Variants in FEZF1 observed in about 807,000 individuals in gnomAD.
FEZF1 encodes fez family zinc finger protein 1.
FEZF1 carries 8 observed loss-of-function variants against 32.4 expected under a neutral mutation model. The ratio of observed to expected loss-of-function variants is 0.25; its 90% CI spans 0.15 to 0.45. The LOEUF (loss-of-function observed/expected upper bound fraction) is 0.45. Ranked by LOEUF, FEZF1 falls within the 20% of genes least tolerant of loss-of-function variation. FEZF1 has a pLI of 1.00. For synonymous variants in FEZF1, 259 were observed against 265.2 expected, an observed-to-expected ratio of 0.98 and a Z score of 0.23; for missense variants, 546 against 622.3, an observed-to-expected ratio of 0.88 and a Z score of 1.31.
intron 1 of FEZF1, 65 bp from the exon 2 acceptor site, chr7:122,303,376 A>G (rs1487529593): frequency 2.5e-6 from 4 of 1,585,564 alleles, no homozygotes; most frequent in East Asian, 2.2e-5. Flanking sequence ...AACCGGGCAG[A>G]GAGAGGGTAG....
rs1584961035 is a variant in FEZF1, at chr7:122,304,040, C to G, written c.398G>C (p.Arg133Pro). Residue 133 changes from arginine (R) to proline (P), a missense_variant, in exon 1 of 4, where the codon CGC becomes CCC. By Grantham distance (103) the Arg-to-Pro change is moderately radical (BLOSUM62 -2). This residue lies in a region of FEZF1 where 345 missense variants were observed against 360.6 expected (regional missense o/e 0.96). Coordinates refer to ENST00000442488, the MANE Select transcript of FEZF1 (RefSeq NM_001024613.4). ...GTACTGCTGCAGCGGCAGCGCGTCGCGGGCCAGGTCGCCCTTGAGACTCAG... is the reference window on the plus strand; with the variant it reads ...GTACTGCTGCAGCGGCAGCGCGTCGGGGGCCAGGTCGCCCTTGAGACTCAG... The part of the protein sequence containing the change: ...CALSLKGDLA[R>P]DALPLQQYKL... 1 of 1,558,260 alleles carries G rather than the reference C, an allele frequency of 6.4e-7. No individual in the cohort carries two copies. The highest frequency in any genetic ancestry group is 8.7e-7 in the Non-Finnish European group (1 of 1,153,722).
In FEZF1 at chr7:122,303,796, A is replaced by C. The variant is rs761076480; in HGVS notation, c.642T>G (p.Ser214=). 3 of 1,614,224 alleles carry C rather than the reference A, an allele frequency of 1.9e-6. No homozygotes were observed. The East Asian group carries it at 6.7e-5, about 36-fold the overall frequency. ...GGGACAGGTCTTTGAAAGCTACTCC[A>C]GAAGGGTATTTCTCCACCGCCGGGA... ...LVVPAVEKYP[S]GVAFKDLSQA... Residue 214 remains serine (S), a synonymous_variant, in exon 1 of 4, where the codon TCT becomes TCG. Transcript: ENST00000442488.
rs1260872793 is a variant in FEZF1 at position 122,303,234 on chromosome 7, G to A, written c.879C>T (p.Cys293=). Reference sequence around the variant, plus strand: ...TGCTTGCTTGCCTGAAACCTTTTCCGCACACTTTGCAAACGAAGGGTCTGG... The same window carrying A: ...TGCTTGCTTGCCTGAAACCTTTTCCACACACTTTGCAAACGAAGGGTCTGG... The part of the protein sequence containing the change: ...TGARPFVCKV[C]GKGFRQASTL... The change falls in exon 2 of 4, where the codon TGC becomes TGT. Residue 293 remains cysteine, a synonymous_variant. Coordinates refer to ENST00000442488, the MANE Select transcript of FEZF1 (RefSeq NM_001024613.4). 3.7e-6 allele frequency: 6 copies of A among 1,613,936 alleles called. No individual in the cohort carries two copies. The highest frequency in any genetic ancestry group is 4.5e-5 in the East Asian group (2 of 44,880).
At chr7:122,308,897 A>G (rs1178932317), upstream of FEZF1, among the ~76,000 whole-genome samples, 2 of 152,086 alleles carry the variant, frequency 1.3e-5, no homozygotes, top group Non-Finnish European at 2.9e-5. Flanking sequence ...GCACATCTAC[A>G]CTTTTTCCTG....
Position 122,304,473 on chromosome 7 carries a change from T to C in FEZF1, c.-36A>G, listed in dbSNP as rs11761299. On this transcript the variant is annotated 5_prime_UTR_variant, in exon 1 of 4. Transcript: ENST00000442488. ...CCAGCGTCCGTCAGCCGGGGCTGGGTTGCGCCGTCCGTTGCCTTGTTCCCT... is the reference window on the plus strand; with the variant it reads ...CCAGCGTCCGTCAGCCGGGGCTGGGCTGCGCCGTCCGTTGCCTTGTTCCCT... The C allele has an allele frequency of 0.67, 1,028,666 of 1,529,598 alleles. 347,016 individuals carry two copies. Among genetic ancestry groups the C allele is most frequent in the Non-Finnish European group, 0.68 (775,018 of 1,133,296 alleles). The allele number at this position is 1,529,598 out of a possible 1,614,324, so 94.8% of individuals were successfully genotyped here.
rs748050719 is a variant in FEZF1 at position 122,302,215 on chromosome 7, TG to T, written c.1209del (p.Thr404ArgfsTer48). The T allele has an allele frequency of 6.2e-7, 1 of 1,614,090 alleles. No individual in the cohort carries two copies. The highest frequency in any genetic ancestry group is 1.1e-5 in the South Asian group (1 of 91,078). On this transcript the variant is annotated frameshift_variant, in exon 4 of 4. Coordinates refer to ENST00000442488, the MANE Select transcript of FEZF1 (RefSeq NM_001024613.4). LOFTEE classifies it high-confidence loss of function. This position sits in a 1 kb window ranked among gnomAD's most constrained non-coding sequence, Gnocchi z 4.4. ...THNDKKPFTCPTCGKGFCRNF... is the reference protein window; with the variant it reads ...THNDKKPFTCXTCGKGFCRNF... The stretch of plus-strand genomic sequence containing the variant: ...TTCCTGCAGAAACCCTTGCCGCACG[TG>T]GGGCAGGTGAAAGGCTTCTTGTCGT...
upstream of FEZF1, among the ~76,000 whole-genome samples, chr7:122,309,131 G>A (rs541511933): frequency 6.6e-6 from 1 of 152,240 alleles, no homozygotes; most frequent in African/African-American, 2.4e-5. Flanking sequence ...AATACACAAC[G>A]GGAACTAACT....
rs2031087949 is a variant in FEZF1 at position 122,302,675 on chromosome 7, G to A, written c.1069+124C>T. The A allele has an allele frequency of 9.2e-7, 1 of 1,086,418 alleles. No homozygotes were observed. Among genetic ancestry groups the A allele is most frequent in the Non-Finnish European group, 1.4e-6 (1 of 727,188 alleles). The allele number at this position is 1,086,418 out of a possible 1,614,324, so 67.3% of individuals were successfully genotyped here. ...ATACTAATCAGACTTCGAGTAGGGA[G>A]TTAGAATGGCAACAAAAGTGCCACA... On this transcript the variant is annotated intron_variant, in intron 3 of 3. Transcript: ENST00000442488. The surrounding 1 kb of genome is among the most constrained non-coding windows in gnomAD (Gnocchi z 4.4).
chr7:122,301,887 TG>T lies in FEZF1; in HGVS notation c.*109del. ...GAGGCTTCTGGTCGGCCCTGAAGTG[TG>T]GGGCCCAACATGCCCTGGGGTCTGC... On this transcript the variant is annotated 3_prime_UTR_variant, in exon 4 of 4. Transcript: ENST00000442488. 6.9e-7 allele frequency: 1 copy of T among 1,456,842 alleles called. No homozygotes were observed. Among genetic ancestry groups the T allele is most frequent in the South Asian group, 1.4e-5 (1 of 73,136 alleles). 90.2% of individuals were successfully genotyped at this position (1,456,842 alleles called of 1,614,324 possible). A position where few individuals can be genotyped will look rare whatever the true frequency, so the allele number is the denominator to read the frequency against.
intron 1 of FEZF1, 118 bp from the exon 2 acceptor site, chr7:122,303,429 C>T: frequency 3.2e-6 from 4 of 1,243,494 alleles, no homozygotes; most frequent in Non-Finnish European, 4.5e-6. Flanking sequence ...AATAATTACC[C>T]CCAAAATACT....
In FEZF1 at chr7:122,303,866, T is replaced by G; in HGVS notation, c.572A>C (p.His191Pro). 1 of 1,614,038 alleles carries G rather than the reference T, an allele frequency of 6.2e-7. No homozygotes were observed. Among genetic ancestry groups the G allele is most frequent in the Non-Finnish European group, 8.5e-7 (1 of 1,180,002 alleles). Residue 191 changes from histidine (H) to proline (P), a missense_variant, in exon 1 of 4, where the codon CAC (histidine) becomes CCC (proline). Transcript: ENST00000442488. ...GGCTAAATACGTTTTTGGCTGCGGG[T>G]GCAAAGGGGAACTGAGGAAGTAGGA... ...VASYFLSSPL[H>P]PQPKTYLAER...
rs374502418 is a variant in FEZF1, at chr7:122,304,224, G to C, written c.214C>G (p.Pro72Ala). The stretch of plus-strand genomic sequence containing the variant: ...ACAGGCACGAAGGGGATCATGCAGG[G>C]GATCGACGAGTTGAGATGCAGAGAG... ...KHSLHLNSSI[P>A]CMIPFVPVAY... The change falls in exon 1 of 4, where the codon CCC (proline) becomes GCC (alanine). Residue 72 changes from proline (P) to alanine (A), a missense_variant. Pro to Ala is a conservative substitution (Grantham distance 27). This residue lies in a region of FEZF1 where 345 missense variants were observed against 360.6 expected (regional missense o/e 0.96). Coordinates refer to ENST00000442488, the MANE Select transcript of FEZF1 (RefSeq NM_001024613.4). 2.5e-6 allele frequency: 4 copies of C among 1,596,564 alleles called. No homozygotes were observed. Among genetic ancestry groups the C allele is most frequent in the Non-Finnish European group, 3.4e-6 (4 of 1,169,332 alleles).
At chr7:122,309,280 T>C (rs2031363603), upstream of FEZF1, among the ~76,000 whole-genome samples, 1 of 152,244 alleles carries the variant, frequency 6.6e-6, no homozygotes, top group Admixed American at 6.5e-5. Context: ...AGGTTATAAA[T>C]GTGGGAAGGG....
In FEZF1 at chr7:122,304,522, G is replaced by C. The variant is rs941381009; in HGVS notation, c.-85C>G. The C allele has an allele frequency of 8.2e-7, 1 of 1,221,770 alleles. No homozygotes were observed. Among genetic ancestry groups the C allele is most frequent in the Admixed American group, 2.3e-5 (1 of 43,824 alleles). 75.7% of individuals were successfully genotyped at this position (1,221,770 alleles called of 1,614,324 possible). On this transcript the variant is annotated 5_prime_UTR_variant, in exon 1 of 4. Transcript: ENST00000442488. The stretch of plus-strand genomic sequence containing the variant: ...CTGCTTGTCACAGACCTGCGGAGAG[G>C]GGGACGGGCACCATCACCACCAGTA...
In FEZF1 at chr7:122,303,165, A is replaced by G; in HGVS notation, c.936+12T>C. On this transcript the variant is annotated intron_variant, in intron 2 of 3. Transcript: ENST00000442488. ...GAAGCAAACTAGGTGAAATTGAGAC[A>G]GATGAACACACCTGCGTGTGAATGA... 1 of 1,614,154 alleles carries G rather than the reference A, an allele frequency of 6.2e-7. No homozygotes were observed. Among genetic ancestry groups the G allele is most frequent in the Non-Finnish European group, 8.5e-7 (1 of 1,180,030 alleles).
In FEZF1 at chr7:122,301,813, C is replaced by G; in HGVS notation, c.*184G>C. 1 of 727,834 alleles carries G rather than the reference C, an allele frequency of 1.4e-6. No homozygotes were observed. The highest frequency in any genetic ancestry group is 2.7e-5 in the East Asian group (1 of 36,676). The allele number at this position is 727,834 out of a possible 1,614,324, so 45.1% of individuals were successfully genotyped here. On this transcript the variant is annotated 3_prime_UTR_variant, in exon 4 of 4. Transcript: ENST00000442488. Reference sequence around the variant, plus strand: ...TAGTGCCTATATAGAATATAATACACAAAACCATTTAGCAGGTGCATGCAA... The same window carrying G: ...TAGTGCCTATATAGAATATAATACAGAAAACCATTTAGCAGGTGCATGCAA...
Position 122,304,418 on chromosome 7 carries a change from T to C in FEZF1, c.20A>G (p.Asn7Ser). 6.4e-7 allele frequency: 1 copy of C among 1,573,296 alleles called. No homozygotes were observed. Among genetic ancestry groups the C allele is most frequent in the East Asian group, 2.3e-5 (1 of 44,024 alleles). Residue 7 changes from asparagine to serine, a missense_variant, in exon 1 of 4, where the codon AAC becomes AGC. By Grantham distance (46) the Asn-to-Ser change is conservative. Transcript: ENST00000442488. MDSSCH[N>S]ATTKMLATAP... ...AGTCGCTAACATTTTGGTAGTCGCG[T>C]TGTGGCAGCTACTGTCCATGTCTGA...
At chr7:122,303,089 C>T (rs923939826) in intron 2 of FEZF1, 88 bp downstream of exon 2, 2 of 1,582,130 alleles carry the variant, frequency 1.3e-6, no homozygotes, top group Middle Eastern at 1.7e-4. Flanking sequence ...TTTAAATGAA[C>T]GTTATCCTAA....
upstream of FEZF1, chr7:122,307,484 T>A (rs1189310681): frequency 6.6e-6 from 1 of 152,640 alleles, no homozygotes; most frequent in Non-Finnish European, 1.5e-5. Flanking sequence ...CGTTTTACGC[T>A]TGTGGTGTGT....
Sources: gnomAD v4.1 joint callset for allele counts (sites outside exome capture counted in the v4.1 genomes callset) on GRCh38, gnomAD v4.1.1 for gene constraint, gnomAD v4.1.1 regional missense constraint, Gnocchi (gnomAD v3.1) non-coding constraint, MANE v1.5 for transcripts, NCBI Gene and HGNC (gene_info 2026-07-23, HGNC 2026-07-21) for gene names.